SPANXN1: variants seen among roughly 807,000 people sequenced by gnomAD.
SPANXN1 encodes sperm protein associated with the nucleus on the X chromosome N1.
Under a neutral mutation model 2.0 loss-of-function variants are expected in SPANXN1, and 1 was observed. The observed-to-expected ratio is 0.50, with a 90% CI of 0.18 to 2.36. The LOEUF (loss-of-function observed/expected upper bound fraction) is 2.36, where lower values mean the gene tolerates loss of function less well. Ranked by LOEUF, SPANXN1 falls within the 30% of genes most tolerant of loss-of-function variation. The probability of loss-of-function intolerance (pLI) is 0.26; values close to 1 mark genes in which losing one functional copy is unlikely to be tolerated. For missense variants in SPANXN1, 55 were observed against 51.8 expected (o/e 1.06, Z -0.19); for synonymous variants, 27 against 21.3 (o/e 1.27, Z -0.74).
intron 1 of SPANXN1, among the ~76,000 whole-genome samples, chrX:145,253,575 C>T (rs1415915296): frequency 8.1e-5 from 9 of 110,908 alleles, no homozygotes; most frequent in Admixed American, 7.7e-4. Context: ...AGATCAGGGG[C>T]GATATTATAT....
intron 1 of SPANXN1, among the ~76,000 whole-genome samples, chrX:145,249,011 A>G (rs1178546414): frequency 1.8e-5 from 2 of 111,446 alleles, no homozygotes; most frequent in South Asian, 3.8e-4. Context: ...TATGAGGTGA[A>G]GGAGGGTGAC....
Position 145,255,668 on chromosome X carries a change from C to T in SPANXN1, c.76-3C>T, listed in dbSNP as rs782501695. ...TTCTGGCCTCTCCCTGTTTTCTTAACAGATGCAGGAGACACCAAACAGGGA... is the reference window on the plus strand; with the variant it reads ...TTCTGGCCTCTCCCTGTTTTCTTAATAGATGCAGGAGACACCAAACAGGGA... On this transcript the variant is annotated splice_region_variant and splice_polypyrimidine_tract_variant and intron_variant, in intron 1 of 1. Coordinates refer to ENST00000370493, the MANE Select transcript of SPANXN1 (RefSeq NM_001009614.3). 43 of 1,210,159 alleles carry T rather than the reference C, an allele frequency of 3.6e-5. No homozygotes were observed. The highest frequency in any genetic ancestry group is 4.8e-5 in the Non-Finnish European group (43 of 895,325).
intron 1 of SPANXN1, among the ~76,000 whole-genome samples, chrX:145,249,717 G>A (rs1298046729): frequency 9.1e-6 from 1 of 110,399 alleles, no homozygotes; most frequent in African/African-American, 3.3e-5. Flanking sequence ...ATCACCTGGT[G>A]AGAACCCCTC....
At position 145,255,836 on chromosome X, in the gene SPANXN1, C is replaced by A. The variant is rs2070808479; in HGVS notation, c.*22C>A. 5.0e-6 allele frequency: 6 copies of A among 1,210,377 alleles called. No homozygotes were observed. In the African/African-American group the frequency reaches 1.0e-4, roughly 21 times the overall value. On this transcript the variant is annotated 3_prime_UTR_variant, in exon 2 of 2. Coordinates refer to ENST00000370493, the MANE Select transcript of SPANXN1 (RefSeq NM_001009614.3). ...CTGAGAGAACTCCATCAATCCAGTC[C>A]AAGAGGAGGAGGACGAAGGCCTAGA...
chrX:145,247,514 A>G lies in SPANXN1; in HGVS notation c.-73A>G. On this transcript the variant is annotated 5_prime_UTR_variant, in exon 1 of 2. Coordinates refer to ENST00000370493, the MANE Select transcript of SPANXN1 (RefSeq NM_001009614.3). ...AAGAGCTCTGGGACATCCTCCTGGG[A>G]AGCTTCAATACAGCTGTGCAAGTCT... is the stretch of plus-strand genomic sequence containing the variant. The G allele has an allele frequency of 9.4e-7, 1 of 1,063,341 alleles. No individual in the cohort carries two copies. Among genetic ancestry groups the G allele is most frequent in the Admixed American group, 2.2e-5 (1 of 45,672 alleles). The allele number at this position is 1,063,341 out of a possible 1,213,427, so 87.6% of individuals were successfully genotyped here.
Position 145,255,828 on chromosome X carries a change from A to AT in SPANXN1, c.*15dup. 8.2e-7 allele frequency: 1 copy of AT among 1,212,223 alleles called. No homozygotes were observed. Among genetic ancestry groups the AT allele is most frequent in the Non-Finnish European group, 1.1e-6 (1 of 895,564 alleles). On this transcript the variant is annotated 3_prime_UTR_variant, in exon 2 of 2. Coordinates refer to ENST00000370493, the MANE Select transcript of SPANXN1 (RefSeq NM_001009614.3). ...GACCAGTCCTGAGAGAACTCCATCAATCCAGTCCAAGAGGAGGAGGACGAA... is the reference window on the plus strand; with the variant it reads ...GACCAGTCCTGAGAGAACTCCATCAATTCCAGTCCAAGAGGAGGAGGACGAA...
rs782044613 is a variant in SPANXN1, at chrX:145,255,838, A to G, written c.*24A>G. On this transcript the variant is annotated 3_prime_UTR_variant, in exon 2 of 2. Coordinates refer to ENST00000370493, the MANE Select transcript of SPANXN1 (RefSeq NM_001009614.3). ...GAGAGAACTCCATCAATCCAGTCCA[A>G]GAGGAGGAGGACGAAGGCCTAGACT... 20 of 1,210,726 alleles carry G rather than the reference A, an allele frequency of 1.7e-5. No individual in the cohort carries two copies. In the Admixed American group the frequency reaches 4.1e-4, roughly 25 times the overall value.
intron 1 of SPANXN1, among the ~76,000 whole-genome samples, chrX:145,249,253 G>A (rs1461003984): frequency 9.1e-6 from 1 of 109,699 alleles, no homozygotes; most frequent in Non-Finnish European, 1.9e-5. Context: ...CTGATTTAAT[G>A]GGCAATGTGT....
rs1556883081 is a variant in SPANXN1, at chrX:145,255,750, T to C, written c.155T>C (p.Leu52Ser). 2.5e-6 allele frequency: 3 copies of C among 1,212,071 alleles called. No homozygotes were observed. In the South Asian group the frequency reaches 5.3e-5, roughly 21 times the overall value. ...AAAACGTCAGAATATTCAACAGTAT[T>C]AGCGTTTTGCTACAGGAAAGCTAAG... ...KMKTSEYSTVLAFCYRKAKKI... is the reference protein window; with the variant it reads ...KMKTSEYSTVSAFCYRKAKKI... The change falls in exon 2 of 2, where the codon TTA (leucine) becomes TCA (serine). Residue 52 changes from leucine (L) to serine (S), a missense_variant. Leu to Ser is a moderately radical substitution (Grantham distance 145). Transcript: ENST00000370493.
At position 145,247,574 on chromosome X, in the gene SPANXN1, A is replaced by G. The variant is rs782658950; in HGVS notation, c.-13A>G. 2.0e-4 allele frequency: 239 copies of G among 1,205,800 alleles called. 3 individuals are homozygous for G. In the Admixed American group the frequency reaches 5.2e-3, roughly 26 times the overall value. ...AAGAGCCTACTATAGACATTCTACA[A>G]CCAACCAGAATCATGGAACAGCCCA... is the stretch of plus-strand genomic sequence containing the variant. On this transcript the variant is annotated 5_prime_UTR_variant, in exon 1 of 2. Coordinates refer to ENST00000370493, the MANE Select transcript of SPANXN1 (RefSeq NM_001009614.3).
At chrX:145,255,053 G>A (rs781866718) in intron 1 of SPANXN1, among the ~76,000 whole-genome samples, 15 of 111,326 alleles carry the variant, frequency 1.3e-4, no homozygotes, top group Non-Finnish European at 1.9e-4. Context: ...TGAAGAGAAG[G>A]CGAGGATGAA....
chrX:145,254,430 C>A (rs2070799493), intron 1 of SPANXN1, among the ~76,000 whole-genome samples: 1 of 112,070 alleles, frequency 8.9e-6, no homozygotes, highest in African/African-American at 3.2e-5. Context: ...AGTGAGTACC[C>A]TGGAAGAGAG....
At position 145,248,591 on chromosome X, in the gene SPANXN1, AGTT is replaced by A. The variant is rs1252493368; in HGVS notation, c.75+933_75+935del. On this transcript the variant is annotated intron_variant, in intron 1 of 1. Transcript: ENST00000370493. ...ATGTTAATGTTTAGATTAACAAAAA[AGTT>A]GTAGATTATGGCGGTTAACGAAAGT... 8.0e-5 allele frequency among the ~76,000 whole-genome samples: 9 copies of A among 112,183 alleles called. No individual in the cohort carries two copies. The East Asian group carries it at 2.3e-3, about 28-fold the overall frequency.
At chrX:145,250,334 T>C (rs2124444020) in intron 1 of SPANXN1, among the ~76,000 whole-genome samples, 2 of 111,269 alleles carry the variant, frequency 1.8e-5, no homozygotes, top group African/African-American at 6.5e-5. Flanking sequence ...GGAATCACTT[T>C]CTGGGGGGCA....
intron 1 of SPANXN1, among the ~76,000 whole-genome samples, chrX:145,248,607 G>A (rs1556882107): frequency 1.8e-5 from 2 of 111,972 alleles, no homozygotes; most frequent in South Asian, 3.7e-4. Flanking sequence ...AGATTATGGC[G>A]GTTAACGAAA....
At chrX:145,250,799 T>C (rs1483872972) in intron 1 of SPANXN1, among the ~76,000 whole-genome samples, 2 of 111,848 alleles carry the variant, frequency 1.8e-5, no homozygotes, top group Non-Finnish European at 3.8e-5. Flanking sequence ...CCTTTCGGTG[T>C]CCCTTGCAAT....
intron 1 of SPANXN1, among the ~76,000 whole-genome samples, chrX:145,249,665 T>C (rs782630639): frequency 7.3e-4 from 81 of 110,772 alleles, no homozygotes; most frequent in African/African-American, 2.5e-3. Flanking sequence ...GTGCATTCAG[T>C]GTGGAAAGGA....
At chrX:145,251,298 G>A (rs2070784767) in intron 1 of SPANXN1, among the ~76,000 whole-genome samples, 1 of 111,937 alleles carries the variant, frequency 8.9e-6, no homozygotes, top group East Asian at 2.8e-4. Context: ...TCTCTGGAAG[G>A]TGATTAGAGG....
At chrX:145,249,170 C>T (rs1164800666) in intron 1 of SPANXN1, among the ~76,000 whole-genome samples, 4 of 110,178 alleles carry the variant, frequency 3.6e-5, no homozygotes, top group African/African-American at 9.9e-5. Context: ...GCCAGGTTGA[C>T]AGGAAGGGAT....
Sources: allele counts gnomAD v4.1 joint callset (sites outside exome capture counted in the v4.1 genomes callset), GRCh38; gene constraint gnomAD v4.1.1; transcripts MANE v1.5; gene names NCBI Gene and HGNC (gene_info 2026-07-23, HGNC 2026-07-21).